The following ZMYM4 variants were observed in gnomAD, a reference collection of about 807,000 sequenced individuals.
ZMYM4 encodes the protein zinc finger MYM-type containing 4.
In ZMYM4, 31 loss-of-function variants were observed where a neutral mutation model predicts 183.2. The observed-to-expected ratio is 0.17, with a 90% CI of 0.13 to 0.23. The LOEUF is 0.23. Among genes scored for constraint, ZMYM4 ranks in the 10% least tolerant of loss-of-function variants. The probability of loss-of-function intolerance (pLI) is 1.00; values close to 1 mark genes in which losing one functional copy is unlikely to be tolerated. For synonymous variants in ZMYM4, 592 were observed against 631.2 expected (o/e 0.94, Z 0.93); for missense variants, 1,273 against 1,840.3 (o/e 0.69, Z 5.64).
At chr1:35,341,131 G>A (rs183709525) in intron 2 of ZMYM4, among the ~76,000 whole-genome samples, 1 of 151,048 alleles carries the variant, frequency 6.6e-6, no homozygotes, top group Admixed American at 6.6e-5. Flanking sequence ...TTTATTTGAA[G>A]GAGTATTTTT....
At chr1:35,350,223 GAAAA>G (rs34466044) in intron 2 of ZMYM4, among the ~76,000 whole-genome samples, 7 of 72,438 alleles carry the variant, frequency 9.7e-5, no homozygotes, top group Non-Finnish European at 2.1e-4. Flanking sequence ...ACTCCATCTT[GAAAA>G]AAAAAAAAAA....
Position 35,381,424 on chromosome 1 carries a change from G to A in ZMYM4, c.1347G>A (p.Lys449=). The stretch of plus-strand genomic sequence containing the variant: ...CAACCAAATGCAGCATGTGTCAGAA[G>A]AATGCTGTTGTAAGTTACCATTTTC... ...SISTKCSMCQ[K]NAVIRHEVNY... Residue 449 remains lysine, a synonymous_variant, in exon 8 of 30, where the codon AAG becomes AAA. Coordinates refer to ENST00000314607, the MANE Select transcript of ZMYM4 (RefSeq NM_005095.3). The A allele has an allele frequency of 6.2e-7, 1 of 1,607,614 alleles. No individual in the cohort carries two copies. Among genetic ancestry groups the A allele is most frequent in the Non-Finnish European group, 8.5e-7 (1 of 1,175,502 alleles).
At chr1:35,346,650 C>CAAAAAAAAAAAAAAAAAAAAAAAAAA in intron 2 of ZMYM4, among the ~76,000 whole-genome samples, 1 of 54,188 alleles carries the variant, frequency 1.8e-5, no homozygotes, top group South Asian at 5.8e-4. Context: ...GACTCCATCT[C>CAAAAAAAAAAAAAAAAAAAAAAAAAA]AAAAAAAAAA....
chr1:35,349,195 C>T (rs957576255), intron 2 of ZMYM4, among the ~76,000 whole-genome samples: 2 of 152,058 alleles, frequency 1.3e-5, no homozygotes, highest in Non-Finnish European at 2.9e-5. Context: ...GCCCTGTTGG[C>T]CAGGCTCATC....
chr1:35,377,887 A>G (rs1222158328), intron 7 of ZMYM4, among the ~76,000 whole-genome samples: 1 of 152,202 alleles, frequency 6.6e-6, no homozygotes, highest in Non-Finnish European at 1.5e-5. Flanking sequence ...TCTTTGTGGC[A>G]TGCAATAATA....
intron 1 of ZMYM4, among the ~76,000 whole-genome samples, chr1:35,271,577 AT>A (rs1433449090): frequency 6.6e-6 from 1 of 151,994 alleles, no homozygotes; most frequent in Non-Finnish European, 1.5e-5. Context: ...TAATTTTTGT[AT>A]TTTTAGTAAA....
chr1:35,275,298 G>A (rs1174343975), intron 1 of ZMYM4, among the ~76,000 whole-genome samples: 3 of 151,922 alleles, frequency 2.0e-5, no homozygotes, highest in East Asian at 3.9e-4. Flanking sequence ...CTGGAGTACA[G>A]TGGTGCCATC....
chr1:35,297,626 C>T (rs1214953760), intron 1 of ZMYM4, among the ~76,000 whole-genome samples: 1 of 152,192 alleles, frequency 6.6e-6, no homozygotes, highest in African/African-American at 2.4e-5. Context: ...TCTCACATAA[C>T]AGACTTTGTA....
intron 1 of ZMYM4, among the ~76,000 whole-genome samples, chr1:35,313,972 T>C (rs1179434948): frequency 6.6e-6 from 1 of 152,164 alleles, no homozygotes; most frequent in Non-Finnish European, 1.5e-5. Flanking sequence ...TACTCTTAGT[T>C]CCTGAAAACT....
chr1:35,338,526 C>T (rs1643069485), intron 2 of ZMYM4, among the ~76,000 whole-genome samples: 1 of 152,074 alleles, frequency 6.6e-6, no homozygotes, highest in South Asian at 2.1e-4. Context: ...AGGGGAATGT[C>T]CTGGAACCAA....
At chr1:35,412,034 C>A (rs1639925957) in intron 26 of ZMYM4, among the ~76,000 whole-genome samples, 1 of 152,026 alleles carries the variant, frequency 6.6e-6, no homozygotes, top group Non-Finnish European at 1.5e-5. Flanking sequence ...CAGGCGCCCG[C>A]CACCGCGCCC....
intron 1 of ZMYM4, among the ~76,000 whole-genome samples, chr1:35,305,124 G>A (rs552712422): frequency 5.9e-5 from 9 of 152,208 alleles, no homozygotes; most frequent in African/African-American, 1.7e-4. Context: ...GATTACAGGC[G>A]TGAGCGACTG....
At chr1:35,324,663 A>G (rs1215462175) in intron 1 of ZMYM4, among the ~76,000 whole-genome samples, 1 of 152,168 alleles carries the variant, frequency 6.6e-6, no homozygotes, top group Non-Finnish European at 1.5e-5. Flanking sequence ...TACAGTAGGC[A>G]AGGTTTATCA....
chr1:35,331,370 A>G (rs1642739133), intron 2 of ZMYM4, among the ~76,000 whole-genome samples: 1 of 152,184 alleles, frequency 6.6e-6, no homozygotes, highest in Non-Finnish European at 1.5e-5. Context: ...CTGATCAGTG[A>G]TTAGTATACA....
intron 2 of ZMYM4, among the ~76,000 whole-genome samples, chr1:35,329,227 C>T (rs1291130015): frequency 6.6e-6 from 1 of 152,202 alleles, no homozygotes; most frequent in Non-Finnish European, 1.5e-5. Context: ...AAGACTTCAA[C>T]ATTTTATGCA....
intron 2 of ZMYM4, among the ~76,000 whole-genome samples, chr1:35,333,671 C>G (rs1642853130): frequency 6.6e-6 from 1 of 152,078 alleles, no homozygotes; most frequent in South Asian, 2.1e-4. Context: ...TTGTAGGTAG[C>G]CTTCCATGTT....
rs752288585 is a variant in ZMYM4, at chr1:35,387,138, A to G, written c.1972A>G (p.Ile658Val). ...CACATCTGCTGTTTCTCCCACCTCC[A>G]TCAGTAGCTCTGCTGCAGCTGGTCT... ...GSTSAVSPTS[I>V]SSSAAAGLQR... The change falls in exon 12 of 30, where the codon ATC becomes GTC. Residue 658 changes from isoleucine (I) to valine (V), a missense_variant. Physicochemically the swap from Ile to Val is conservative, Grantham distance 29. Around this residue, in one of 6 missense-constraint regions of ZMYM4, gnomAD observed 319 missense variants for 518.1 expected, o/e 0.62. Transcript: ENST00000314607. 5.0e-6 allele frequency: 8 copies of G among 1,614,092 alleles called. No homozygotes were observed. Among genetic ancestry groups the G allele is most frequent in the Non-Finnish European group, 5.1e-6 (6 of 1,180,042 alleles).
chr1:35,308,713 T>C (rs1489191659), intron 1 of ZMYM4, among the ~76,000 whole-genome samples: 3 of 151,964 alleles, frequency 2.0e-5, no homozygotes, highest in Non-Finnish European at 4.4e-5. Flanking sequence ...ATACAAAAAT[T>C]AGCTGGGCAT....
At position 35,370,338 on chromosome 1, in the gene ZMYM4, ATTTTTTTTTTTTTTT is replaced by A. The variant is rs35122134; in HGVS notation, c.926-19_926-5del. Reference sequence around the variant, plus strand: ...AAAAGTAAAACATTTTTTTCTTTCAATTTTTTTTTTTTTTTTTTTTTTTTTTTTTAAAGCTCCACA... The same window carrying A: ...AAAAGTAAAACATTTTTTTCTTTCAATTTTTTTTTTTTTTAAAGCTCCACA... On this transcript the variant is annotated intron_variant, in intron 6 of 29. Coordinates refer to ENST00000314607, the MANE Select transcript of ZMYM4 (RefSeq NM_005095.3). The A allele has an allele frequency of 4.3e-5, 48 of 1,129,110 alleles. No homozygotes were observed. Among genetic ancestry groups the A allele is most frequent in the South Asian group, 2.0e-4 (9 of 44,522 alleles). 69.9% of individuals were successfully genotyped at this position (1,129,110 alleles called of 1,614,324 possible).
Sources: gnomAD v4.1 joint callset for allele counts (sites outside exome capture counted in the v4.1 genomes callset) on GRCh38, gnomAD v4.1.1 for gene constraint, gnomAD v4.1.1 regional missense constraint, MANE v1.5 for transcripts, NCBI Gene and HGNC (gene_info 2026-07-23, HGNC 2026-07-21) for gene names.